Variants in PTPRD observed in about 807,000 individuals in gnomAD.
PTPRD encodes the protein protein tyrosine phosphatase receptor type D.
In PTPRD, 34 loss-of-function variants were observed where a neutral mutation model predicts 214.5. That is an observed-to-expected ratio of 0.16 (90% CI 0.12 to 0.21). The LOEUF (loss-of-function observed/expected upper bound fraction) is 0.21. PTPRD is among the 10% of genes least tolerant of loss of function. The pLI is 1.00. For synonymous variants in PTPRD, 1,128 were observed against 845.7 expected (o/e 1.33, Z -5.79); for missense variants, 2,545 against 2,398.7 (o/e 1.06, Z -1.27).
At chr9:8,453,077 A>G (rs2096024098) in intron 33 of PTPRD, among the ~76,000 whole-genome samples, 1 of 152,210 alleles carries the variant, frequency 6.6e-6, no homozygotes, top group Non-Finnish European at 1.5e-5. Context: ...TGTGTATAAA[A>G]TAGAGGGAGA....
chr9:8,711,436 T>A (rs1316578811), intron 12 of PTPRD, among the ~76,000 whole-genome samples: 1 of 152,160 alleles, frequency 6.6e-6, no homozygotes, highest in Non-Finnish European at 1.5e-5. Context: ...ACAGTAACTC[T>A]CTCCTTGAAA....
Position 8,846,017 on chromosome 9 carries a change from T to C in PTPRD, c.-103-112071A>G, listed in dbSNP as rs368534957. On this transcript the variant is annotated intron_variant, in intron 11 of 45. Transcript: ENST00000381196. ...ATTGCTTTTGGTTCAATAATGGCCA[T>C]GTGTCAGAATTAAGTGCATCTGGGA... is the stretch of plus-strand genomic sequence containing the variant. Among the ~76,000 whole-genome samples the C allele has an allele frequency of 1.4e-4, 22 of 152,274 alleles. No homozygotes were observed. The East Asian group carries it at 3.7e-3, about 25-fold the overall frequency.
At chr9:10,504,041 G>A (rs1051199306) in intron 2 of PTPRD, among the ~76,000 whole-genome samples, 1 of 144,394 alleles carries the variant, frequency 6.9e-6, no homozygotes, top group African/African-American at 2.6e-5. Flanking sequence ...GCGTGAACCC[G>A]GGAGGCAGAG....
intron 4 of PTPRD, among the ~76,000 whole-genome samples, chr9:9,971,143 TA>T (rs1361200828): frequency 6.6e-6 from 1 of 152,000 alleles, no homozygotes; most frequent in Non-Finnish European, 1.5e-5. Flanking sequence ...AAATATTAAA[TA>T]AAAAGGTAAA....
At chr9:8,693,620 A>G (rs1383832475) in intron 12 of PTPRD, among the ~76,000 whole-genome samples, 1 of 152,186 alleles carries the variant, frequency 6.6e-6, no homozygotes, top group Non-Finnish European at 1.5e-5. Flanking sequence ...ATTCGATGTA[A>G]GTGACAGAAG....
intron 3 of PTPRD, among the ~76,000 whole-genome samples, chr9:10,235,644 T>G (rs2099626573): frequency 6.6e-6 from 1 of 152,044 alleles, no homozygotes; most frequent in Non-Finnish European, 1.5e-5. Flanking sequence ...TTATGAGCTC[T>G]TGGCATTTCA....
chr9:10,300,320 G>A (rs1362578850), intron 3 of PTPRD, among the ~76,000 whole-genome samples: 1 of 152,094 alleles, frequency 6.6e-6, no homozygotes, highest in East Asian at 1.9e-4. Flanking sequence ...GTTTCAAGCA[G>A]AAAACTGGGC....
chr9:10,182,834 G>A (rs1372878921), intron 3 of PTPRD, among the ~76,000 whole-genome samples: 1 of 152,098 alleles, frequency 6.6e-6, no homozygotes, highest in Admixed American at 6.5e-5. Flanking sequence ...ATGCATGTAT[G>A]TATATCACCC....
chr9:10,451,078 G>C (rs775054752), intron 2 of PTPRD, among the ~76,000 whole-genome samples: 4 of 151,718 alleles, frequency 2.6e-5, no homozygotes, highest in Non-Finnish European at 4.4e-5. Flanking sequence ...TATGTTTTTA[G>C]TCCACCATAT....
intron 7 of PTPRD, among the ~76,000 whole-genome samples, chr9:9,615,960 C>T (rs1166599779): frequency 6.6e-6 from 1 of 152,102 alleles, no homozygotes; most frequent in African/African-American, 2.4e-5. Flanking sequence ...AAGAAAACTC[C>T]ATTTTATTTC....
intron 4 of PTPRD, among the ~76,000 whole-genome samples, chr9:9,949,785 A>G (rs1268055904): frequency 6.6e-6 from 1 of 152,200 alleles, no homozygotes; most frequent in Non-Finnish European, 1.5e-5. Flanking sequence ...TTCAGATCAG[A>G]TGTGACATCA....
chr9:9,725,300 T>A (rs752847340), intron 7 of PTPRD, among the ~76,000 whole-genome samples: 1 of 130,650 alleles, frequency 7.7e-6, no homozygotes, highest in Non-Finnish European at 1.6e-5. Flanking sequence ...AAAATGGGAG[T>A]TTCCCTGCAC....
chr9:8,692,156 T>TA (rs2097820688), intron 12 of PTPRD, among the ~76,000 whole-genome samples: 1 of 152,112 alleles, frequency 6.6e-6, no homozygotes, highest in African/African-American at 2.4e-5. Flanking sequence ...AGATTAGTAA[T>TA]AAAAAATAAT....
At chr9:10,595,408 A>T (rs955623471) in intron 2 of PTPRD, among the ~76,000 whole-genome samples, 110 of 151,888 alleles carry the variant, frequency 7.2e-4, no homozygotes, top group Admixed American at 1.3e-3. Context: ...TGGAAAAATC[A>T]GTGATAATTC....
chr9:8,589,822 T>A (rs979835825), intron 14 of PTPRD, among the ~76,000 whole-genome samples: 2 of 152,200 alleles, frequency 1.3e-5, no homozygotes, highest in African/African-American at 2.4e-5. Flanking sequence ...CCTGTTATAA[T>A]GTTTTGTAGA....
chr9:10,060,827 T>TTCCTTC (rs1567404341), intron 3 of PTPRD, among the ~76,000 whole-genome samples: 12 of 119,786 alleles, frequency 1.0e-4, no homozygotes, highest in African/African-American at 3.8e-4. Context: ...TTTCTTTCTT[T>TTCCTTC]CTTCCTTCCT....
intron 7 of PTPRD, among the ~76,000 whole-genome samples, chr9:9,665,802 G>A (rs1368795827): frequency 1.3e-5 from 2 of 151,800 alleles, no homozygotes; most frequent in African/African-American, 4.8e-5. Context: ...ACAGTACTGA[G>A]GTAAACTAAG....
intron 4 of PTPRD, among the ~76,000 whole-genome samples, chr9:9,941,238 G>GA (rs2091375920): frequency 1.3e-5 from 2 of 152,312 alleles, no homozygotes; most frequent in Admixed American, 1.3e-4. Flanking sequence ...TGAGGGAAGG[G>GA]AAAAGCTATG....
At chr9:10,001,818 A>G (rs2096325632) in intron 4 of PTPRD, among the ~76,000 whole-genome samples, 1 of 152,134 alleles carries the variant, frequency 6.6e-6, no homozygotes, top group Admixed American at 6.5e-5. Context: ...GTTGAAATGA[A>G]AAGTCTCTAG....
Sources: allele counts gnomAD v4.1 joint callset (sites outside exome capture counted in the v4.1 genomes callset), GRCh38; gene constraint gnomAD v4.1.1; transcripts MANE v1.5; gene names NCBI Gene and HGNC (gene_info 2026-07-23, HGNC 2026-07-21).